Variants in TMEM117 observed in about 807,000 individuals in gnomAD.
The protein encoded by TMEM117 is transmembrane protein 117.
A neutral mutation model predicts 52.4 loss-of-function variants in TMEM117; 27 were observed. That is an observed-to-expected ratio of 0.51 (90% CI 0.38 to 0.71). The LOEUF is 0.71. Ranked by LOEUF, TMEM117 falls within the 30% of genes least tolerant of loss-of-function variation. The pLI is 0.00. For synonymous variants in TMEM117, 215 were observed against 206.3 expected (o/e 1.04, Z -0.36); for missense variants, 556 against 630.5 (o/e 0.88, Z 1.26).
intron 3 of TMEM117, among the ~76,000 whole-genome samples, chr12:44,110,020 G>T (rs2138103403): frequency 1.1e-5 from 1 of 87,780 alleles, no homozygotes; most frequent in East Asian, 3.1e-4. Context: ...TCTGTTGTTG[G>T]TGTATAAGAA....
intron 3 of TMEM117, among the ~76,000 whole-genome samples, chr12:44,032,916 GA>G (rs1345384160): frequency 1.2e-4 from 19 of 152,166 alleles, no homozygotes; most frequent in African/African-American, 4.3e-4. Flanking sequence ...AGGAATGTCA[GA>G]GGTGTGTGAA....
At chr12:43,859,155 C>T (rs554560634) in intron 2 of TMEM117, among the ~76,000 whole-genome samples, 2 of 152,308 alleles carry the variant, frequency 1.3e-5, no homozygotes, top group East Asian at 1.9e-4. Flanking sequence ...TCTCTGTGTT[C>T]GATTACTGTT....
intron 3 of TMEM117, among the ~76,000 whole-genome samples, chr12:43,976,094 T>C (rs1945666237): frequency 6.6e-6 from 1 of 152,190 alleles, no homozygotes; most frequent in Non-Finnish European, 1.5e-5. Flanking sequence ...AATTCTACAC[T>C]TGTATTAAGT....
chr12:44,254,830 C>A (rs944695803), intron 5 of TMEM117, among the ~76,000 whole-genome samples: 10 of 151,396 alleles, frequency 6.6e-5, no homozygotes, highest in African/African-American at 2.2e-4. Flanking sequence ...CACAACAGTA[C>A]CCGGAGTGTG....
Position 44,020,494 on chromosome 12 carries a change from G to A in TMEM117, c.410+76152G>A, listed in dbSNP as rs187464480. Among the ~76,000 whole-genome samples, 1,001 of 152,170 alleles carry A rather than the reference G, an allele frequency of 6.6e-3. 7 individuals are homozygous for A. The highest frequency in any genetic ancestry group is 0.011 in the Non-Finnish European group (726 of 68,008). ...ACTGTCATCTACTTTTGTGTCCCTG[G>A]GACATCATTTATTCTGATCTACGAA... On this transcript the variant is annotated intron_variant, in intron 3 of 7. Coordinates refer to ENST00000266534, the MANE Select transcript of TMEM117 (RefSeq NM_032256.3).
chr12:44,346,814 C>A lies in TMEM117; in HGVS notation c.769-29781C>A, dbSNP rs370733581. On this transcript the variant is annotated intron_variant, in intron 6 of 7. Transcript: ENST00000266534. The stretch of plus-strand genomic sequence containing the variant: ...GCACAAGGGAAAAGATGCCATAGGC[C>A]AAAATATCAGTAAAATCTTCAGCTC... Among the ~76,000 whole-genome samples the A allele has an allele frequency of 2.1e-4, 32 of 151,962 alleles. No homozygotes were observed. The South Asian group carries it at 6.2e-3, about 30-fold the overall frequency.
intron 4 of TMEM117, among the ~76,000 whole-genome samples, chr12:44,152,166 A>G (rs1471011242): frequency 9.0e-6 from 1 of 111,326 alleles, no homozygotes; most frequent in East Asian, 2.9e-4. Context: ...TACATAATAT[A>G]TATAAAATTA....
chr12:44,242,312 C>A (rs1253154287), intron 5 of TMEM117, among the ~76,000 whole-genome samples: 1 of 151,658 alleles, frequency 6.6e-6, no homozygotes, highest in Admixed American at 6.6e-5. Context: ...CTCAAGTAGA[C>A]CCCAGTGTCT....
intron 3 of TMEM117, among the ~76,000 whole-genome samples, chr12:44,049,402 C>A (rs1946932628): frequency 6.6e-6 from 1 of 152,010 alleles, no homozygotes; most frequent in African/African-American, 2.4e-5. Context: ...ACATCACACA[C>A]CCAGGGCCTG....
intron 2 of TMEM117, among the ~76,000 whole-genome samples, chr12:43,935,997 TATGGG>T (rs1229809071): frequency 8.6e-5 from 13 of 151,900 alleles, no homozygotes; most frequent in African/African-American, 3.2e-4. Flanking sequence ...GAGAGGGAAG[TATGGG>T]TCAAATTAAT....
intron 6 of TMEM117, among the ~76,000 whole-genome samples, chr12:44,339,937 A>T (rs995860294): frequency 6.6e-6 from 1 of 152,100 alleles, no homozygotes; most frequent in Non-Finnish European, 1.5e-5. Context: ...AGAAATATAT[A>T]TGCAAAGTTA....
At chr12:44,233,177 A>T (rs1949954081) in intron 5 of TMEM117, among the ~76,000 whole-genome samples, 4 of 151,120 alleles carry the variant, frequency 2.6e-5, no homozygotes, top group Admixed American at 2.0e-4. Context: ...AGAAGAGTTG[A>T]GTTGTTACTT....
chr12:44,140,277 A>C (rs1948552458), intron 3 of TMEM117, among the ~76,000 whole-genome samples: 1 of 152,118 alleles, frequency 6.6e-6, no homozygotes, highest in African/African-American at 2.4e-5. Flanking sequence ...AACAATTTTT[A>C]GAAGTTTTTA....
chr12:43,908,466 A>G (rs1944432536), intron 2 of TMEM117, among the ~76,000 whole-genome samples: 1 of 143,244 alleles, frequency 7.0e-6, no homozygotes, highest in African/African-American at 2.5e-5. Context: ...AGCTAACATC[A>G]TAATGACAGG....
chr12:44,244,850 A>T (rs1191432284), intron 5 of TMEM117, among the ~76,000 whole-genome samples: 2 of 151,898 alleles, frequency 1.3e-5, no homozygotes, highest in East Asian at 3.9e-4. Context: ...TCTTTAACTC[A>T]CTCTGTGTTG....
At chr12:44,334,153 G>A (rs1951308852) in intron 6 of TMEM117, among the ~76,000 whole-genome samples, 1 of 152,004 alleles carries the variant, frequency 6.6e-6, no homozygotes, top group Admixed American at 6.6e-5. Context: ...TTTGCTTCAT[G>A]CCTAATAAGA....
chr12:44,135,220 T>G (rs1466386641), intron 3 of TMEM117, among the ~76,000 whole-genome samples: 1 of 152,164 alleles, frequency 6.6e-6, no homozygotes, highest in African/African-American at 2.4e-5. Flanking sequence ...TGGGCATCAT[T>G]GTATATGTCT....
intron 2 of TMEM117, among the ~76,000 whole-genome samples, chr12:43,912,507 T>TATATATATATA (rs1944525970): frequency 7.6e-6 from 1 of 132,086 alleles, no homozygotes; most frequent in African/African-American, 4.0e-5. Flanking sequence ...TAATAATAAT[T>TATATATATATA]TATATATATA....
At chr12:44,302,185 G>A (rs372428395) in intron 6 of TMEM117, among the ~76,000 whole-genome samples, 4 of 152,130 alleles carry the variant, frequency 2.6e-5, no homozygotes, top group African/African-American at 7.2e-5. Context: ...GCCCTATGCA[G>A]CTCTTCTTCA....
Sources: allele counts gnomAD v4.1 joint callset (sites outside exome capture counted in the v4.1 genomes callset), GRCh38; gene constraint gnomAD v4.1.1; transcripts MANE v1.5; gene names NCBI Gene and HGNC (gene_info 2026-07-23, HGNC 2026-07-21).